The following MMEL1 variants were observed in gnomAD, a reference collection of about 807,000 sequenced individuals.
MMEL1 encodes membrane metalloendopeptidase like 1, also known as membrane metallo-endopeptidase-like 1.
MMEL1 carries 98 observed loss-of-function variants against 117.1 expected under a neutral mutation model. That is an observed-to-expected ratio of 0.84 (90% CI 0.71 to 0.99). MMEL1 has a LOEUF of 0.99. Ranked by LOEUF, MMEL1 falls within the 50% of genes least tolerant of loss-of-function variation. The pLI is 0.00. For synonymous variants in MMEL1, 390 were observed against 415.1 expected, an observed-to-expected ratio of 0.94 and a Z score of 0.74; for missense variants, 1,014 against 1,049.1, an observed-to-expected ratio of 0.97 and a Z score of 0.46.
rs769883488 is a variant in MMEL1 at position 2,595,306 on chromosome 1, C to T, written c.1554G>A (p.Met518Ile). 24 of 1,613,720 alleles carry T rather than the reference C, an allele frequency of 1.5e-5. No individual in the cohort carries two copies. Among genetic ancestry groups the T allele is most frequent in the Middle Eastern group, 1.6e-4 (1 of 6,082 alleles). The change falls in exon 16 of 24, where the codon ATG (methionine) becomes ATA (isoleucine). Residue 518 changes from methionine (M) to isoleucine (I), a missense_variant. Transcript: ENST00000378412. This position sits in a 1 kb window ranked among gnomAD's most constrained non-coding sequence, Gnocchi z 4.8. Reference protein sequence around the residue: ...IGHPDYILEEMNRRLDEEYSN... With the variant: ...IGHPDYILEEINRRLDEEYSN... ...AGTACTCCTCGTCCAGGCGCCTGTT[C>T]ATCTCCTCCAGGATGTAGTCAGGGT...
At chr1:2,604,473 C>T (rs554007127) in intron 9 of MMEL1, among the ~76,000 whole-genome samples, 192 bp from the exon 10 acceptor site, 1 of 152,196 alleles carries the variant, frequency 6.6e-6, no homozygotes, top group African/African-American at 2.4e-5. Context: ...TGTGCCCGAG[C>T]CACTGGACGG....
rs1005370281 is a variant in MMEL1 at position 2,593,676 on chromosome 1, C to A, written c.1867+138G>T. 5.5e-6 allele frequency: 7 copies of A among 1,263,896 alleles called. No individual in the cohort carries two copies. In the African/African-American group the frequency reaches 7.7e-5, roughly 14 times the overall value. The allele number at this position is 1,263,896 out of a possible 1,614,324, so 78.3% of individuals were successfully genotyped here. ...CTGGCATTCAAAGCCTGCTCTGCCC[C>A]CACAGCTCCCTGAGGACCTGGCCTC... On this transcript the variant is annotated intron_variant, in intron 19 of 23. Coordinates refer to ENST00000378412, the MANE Select transcript of MMEL1 (RefSeq NM_033467.4).
At position 2,596,632 on chromosome 1, in the gene MMEL1, T is replaced by G. The variant is rs764252107; in HGVS notation, c.1330A>C (p.Asn444His). ...CCCACGGCGTTCTCCATGTTGCTGTTGACGTAGCCCACACATTCACGCCAG... is the reference window on the plus strand; with the variant it reads ...CCCACGGCGTTCTCCATGTTGCTGTGGACGTAGCCCACACATTCACGCCAG... ...VRWRECVGYV[N>H]SNMENAVGSL... Residue 444 changes from asparagine (N) to histidine (H), a missense_variant, in exon 14 of 24, where the codon AAC (asparagine) becomes CAC (histidine). Physicochemically the swap from Asn to His is moderately conservative, Grantham distance 68. Transcript: ENST00000378412. The G allele has an allele frequency of 6.2e-7, 1 of 1,613,244 alleles. No homozygotes were observed. Among genetic ancestry groups the G allele is most frequent in the Non-Finnish European group, 8.5e-7 (1 of 1,179,840 alleles).
chr1:2,593,883 G>A lies in MMEL1; in HGVS notation c.1798C>T (p.Gln600Ter), dbSNP rs1158893906. The A allele has an allele frequency of 9.3e-6, 15 of 1,612,652 alleles. No individual in the cohort carries two copies. The highest frequency in any genetic ancestry group is 1.1e-5 in the Non-Finnish European group (13 of 1,179,296). The change falls in exon 19 of 24, where the codon CAG becomes TAG. Residue 600 changes from glutamine (Q) to a stop codon, truncating the protein, a stop_gained. Transcript: ENST00000378412. LOFTEE classifies it high-confidence loss of function. Reference protein sequence around the residue: ...QPPFFSKEQPQALNFGGIGMV... With the variant: ...QPPFFSKEQP The stretch of plus-strand genomic sequence containing the variant: ...CCAATGCCTCCAAAGTTCAAGGCCT[G>A]TGGCTGCTCCTTGCTGAAGAAGGGG...
Position 2,623,810 on chromosome 1 carries a change from C to T in MMEL1, c.154+5521G>A, listed in dbSNP as rs562678892. On this transcript the variant is annotated intron_variant, in intron 2 of 23. Transcript: ENST00000378412. ...GCTTTGGCTGAGACATGAAACTATA[C>T]TCGTCTGGCAGGCAGCAAAAGCTTT... 2.6e-5 allele frequency among the ~76,000 whole-genome samples: 4 copies of T among 152,324 alleles called. No individual in the cohort carries two copies. The South Asian group carries it at 8.3e-4, about 32-fold the overall frequency.
At chr1:2,608,021 C>T (rs1445572463) in intron 6 of MMEL1, among the ~76,000 whole-genome samples, 1 of 152,092 alleles carries the variant, frequency 6.6e-6, no homozygotes, top group Non-Finnish European at 1.5e-5. Context: ...TGGCCCCTGC[C>T]GTTTGTATAT....
intron 4 of MMEL1, 106 bp from the exon 5 acceptor site, chr1:2,609,937 G>A: frequency 7.8e-7 from 1 of 1,286,258 alleles, no homozygotes. Flanking sequence ...CCCTTGGGAA[G>A]GGGCTGCTGT....
In MMEL1 at chr1:2,612,873, G is replaced by C. The variant is rs954804636; in HGVS notation, c.155-669C>G. 6.6e-6 allele frequency among the ~76,000 whole-genome samples: 1 copy of C among 152,190 alleles called. No individual in the cohort carries two copies. Among genetic ancestry groups the C allele is most frequent in the Non-Finnish European group, 1.5e-5 (1 of 68,024 alleles). On this transcript the variant is annotated intron_variant, in intron 2 of 23. Transcript: ENST00000378412. The surrounding 1 kb of genome is among the most constrained non-coding windows in gnomAD (Gnocchi z 5.4). Reference sequence around the variant, plus strand: ...CCAGGTCCAGAGAGGTGACAAGCCAGGCCTGGCTACCTTCAGACCTGGCTT... The same window carrying C: ...CCAGGTCCAGAGAGGTGACAAGCCACGCCTGGCTACCTTCAGACCTGGCTT...
chr1:2,595,619 G>T lies in MMEL1; in HGVS notation c.1501-260C>A, dbSNP rs904196970. Among the ~76,000 whole-genome samples the T allele has an allele frequency of 2.6e-5, 4 of 152,168 alleles. No homozygotes were observed. Among genetic ancestry groups the T allele is most frequent in the African/African-American group, 4.8e-5 (2 of 41,438 alleles). On this transcript the variant is annotated intron_variant, in intron 15 of 23. Transcript: ENST00000378412. The surrounding 1 kb of genome is among the most constrained non-coding windows in gnomAD (Gnocchi z 4.8). ...CCAACAGCCCGCCAGGGGTCCGGGT[G>T]GGGGCAGGGGCCCTGGAGGGGTCAC...
At position 2,609,720 on chromosome 1, in the gene MMEL1, C is replaced by T. The variant is rs1357601688; in HGVS notation, c.404G>A (p.Arg135Lys). Residue 135 changes from arginine to lysine, a missense_variant, in exon 5 of 24, where the codon AGA (arginine) becomes AAA (lysine). By Grantham distance (26) the Arg-to-Lys change is conservative. Coordinates refer to ENST00000378412, the MANE Select transcript of MMEL1 (RefSeq NM_033467.4). ...GCGGAGGACGTCAAAGATGCTGTAT[C>T]TTGAGTTGGTCTCAGGGATCACGTG... ...RRHVIPETNS[R>K]YSIFDVLRDE... is the part of the protein sequence containing the mutation. The T allele has an allele frequency of 6.2e-7, 1 of 1,613,636 alleles. No homozygotes were observed. The highest frequency in any genetic ancestry group is 2.2e-5 in the East Asian group (1 of 44,890).
At chr1:2,613,427 T>C (rs769102121) in intron 2 of MMEL1, among the ~76,000 whole-genome samples, 1 of 152,118 alleles carries the variant, frequency 6.6e-6, no homozygotes. Flanking sequence ...GGACATCACC[T>C]CTGACCAAAG....
rs144750960 is a variant in MMEL1, at chr1:2,629,614, G to A, written c.-37-93C>T. 507 of 1,163,822 alleles carry A rather than the reference G, an allele frequency of 4.4e-4. 5 individuals carry two copies. In the African/African-American group the frequency reaches 6.1e-3, roughly 14 times the overall value. The allele number at this position is 1,163,822 out of a possible 1,614,324, so 72.1% of individuals were successfully genotyped here. ...AGGGCCGGATGCTGGCTGGGAGCGG[G>A]CGCTGGGTGCCTTTGGAACACTCTT... On this transcript the variant is annotated intron_variant, in intron 1 of 23. Coordinates refer to ENST00000378412, the MANE Select transcript of MMEL1 (RefSeq NM_033467.4).
chr1:2,591,534 G>T, intron 23 of MMEL1, 23 bp downstream of exon 23: 1 of 1,602,196 alleles, frequency 6.2e-7, no homozygotes, highest in Non-Finnish European at 8.6e-7. Flanking sequence ...GTGGCAAGGG[G>T]GTTGTGAGCA....
At chr1:2,610,344 T>C (rs1164681867) in intron 4 of MMEL1, among the ~76,000 whole-genome samples, 1 of 152,212 alleles carries the variant, frequency 6.6e-6, no homozygotes, top group Non-Finnish European at 1.5e-5. Flanking sequence ...TTTTCACTTA[T>C]TAACCACTTG....
chr1:2,597,797 G>A (rs1007879509), intron 13 of MMEL1, among the ~76,000 whole-genome samples: 7 of 152,134 alleles, frequency 4.6e-5, no homozygotes, highest in African/African-American at 1.7e-4. Context: ...TGGTCACCTC[G>A]CCTCCCTCCC....
At chr1:2,615,430 T>C (rs1255230512) in intron 2 of MMEL1, among the ~76,000 whole-genome samples, 1 of 152,076 alleles carries the variant, frequency 6.6e-6, no homozygotes, top group Non-Finnish European at 1.5e-5. Context: ...TGATCAGTAA[T>C]CCTCAAGACT....
In MMEL1 at chr1:2,612,052, C is replaced by T. The variant is rs2100950664; in HGVS notation, c.232+75G>A. On this transcript the variant is annotated intron_variant, in intron 3 of 23. Coordinates refer to ENST00000378412, the MANE Select transcript of MMEL1 (RefSeq NM_033467.4). This position sits in a 1 kb window ranked among gnomAD's most constrained non-coding sequence, Gnocchi z 5.4. Reference sequence around the variant, plus strand: ...TGGGCAGAACCCAGCCCCTGCCCCTCCACGGAGTCCCCCCACCTTGGGAGG... The same window carrying T: ...TGGGCAGAACCCAGCCCCTGCCCCTTCACGGAGTCCCCCCACCTTGGGAGG... The T allele has an allele frequency of 7.6e-7, 1 of 1,310,076 alleles. No individual in the cohort carries two copies. Among genetic ancestry groups the T allele is most frequent in the African/African-American group, 1.5e-5 (1 of 68,526 alleles). The allele number at this position is 1,310,076 out of a possible 1,614,324, so 81.2% of individuals were successfully genotyped here.
Position 2,590,932 on chromosome 1 carries a change from G to C in MMEL1, c.*58C>G. 1 of 1,342,910 alleles carries C rather than the reference G, an allele frequency of 7.4e-7. No individual in the cohort carries two copies. Among genetic ancestry groups the C allele is most frequent in the Non-Finnish European group, 9.8e-7 (1 of 1,018,132 alleles). The allele number at this position is 1,342,910 out of a possible 1,614,324, so 83.2% of individuals were successfully genotyped here. A position where few individuals can be genotyped will look rare whatever the true frequency, so the allele number is the denominator to read the frequency against. On this transcript the variant is annotated 3_prime_UTR_variant, in exon 24 of 24. Transcript: ENST00000378412. Reference sequence around the variant, plus strand: ...CTGGGTCGCCGCTAGCTGCACCTTCGCACAGATGCCTCCGAGCAGCGGGTG... The same window carrying C: ...CTGGGTCGCCGCTAGCTGCACCTTCCCACAGATGCCTCCGAGCAGCGGGTG...
chr1:2,625,099 T>C (rs1377240072), intron 2 of MMEL1, among the ~76,000 whole-genome samples: 5 of 152,172 alleles, frequency 3.3e-5, no homozygotes, highest in Admixed American at 6.5e-5. Context: ...GACATGAGAT[T>C]GGGTGGGGAC....
Sources: allele counts gnomAD v4.1 joint callset (sites outside exome capture counted in the v4.1 genomes callset), GRCh38; gene constraint gnomAD v4.1.1; non-coding constraint Gnocchi (gnomAD v3.1); transcripts MANE v1.5; gene names NCBI Gene and HGNC (gene_info 2026-07-23, HGNC 2026-07-21).